The following TSPAN4 variants were observed in gnomAD, a reference collection of about 807,000 sequenced individuals.
TSPAN4 encodes tetraspanin-4.
In TSPAN4, 38 loss-of-function variants were observed where a neutral mutation model predicts 31.5. That is an observed-to-expected ratio of 1.21 (90% confidence interval 0.93 to 1.58). TSPAN4 has a LOEUF of 1.58. Among genes scored for constraint, TSPAN4 ranks in the 40% most tolerant of loss-of-function variants. The pLI is 0.00. For missense variants in TSPAN4, 330 were observed against 317.3 expected (o/e 1.04, Z -0.30); for synonymous variants, 186 against 144.6 (o/e 1.29, Z -2.06).
intron 2 of TSPAN4, among the ~76,000 whole-genome samples, chr11:849,212 C>T (rs1847484958): frequency 6.6e-6 from 1 of 151,778 alleles, no homozygotes. Context: ...GCGGGGCTGC[C>T]TGGTGGAGGG....
At chr11:845,946 G>T (rs1847298398) in intron 1 of TSPAN4, among the ~76,000 whole-genome samples, 2 of 152,172 alleles carry the variant, frequency 1.3e-5, no homozygotes, top group African/African-American at 2.4e-5. Context: ...GTGCATGAGG[G>T]AGTGCCAGCT....
intron 1 of TSPAN4, chr11:843,974 G>A (rs993831182): frequency 6.6e-6 from 1 of 152,274 alleles, no homozygotes. Flanking sequence ...CCCTGGCCAG[G>A]GCCCTGGGCA....
At chr11:853,374 C>A (rs905191680) in intron 3 of TSPAN4, among the ~76,000 whole-genome samples, 2 of 152,180 alleles carry the variant, frequency 1.3e-5, no homozygotes, top group Non-Finnish European at 1.5e-5. Context: ...CCTGAGCCCC[C>A]CTCCACACCC....
intron 3 of TSPAN4, among the ~76,000 whole-genome samples, chr11:852,746 C>G (rs1847824472): frequency 6.6e-6 from 1 of 152,242 alleles, no homozygotes; most frequent in African/African-American, 2.4e-5. Context: ...CTTTTGCCGC[C>G]CACTCCATTT....
At chr11:864,620 AC>A in intron 5 of TSPAN4, 109 bp downstream of exon 5, 1 of 1,410,630 alleles carries the variant, frequency 7.1e-7, no homozygotes, top group Non-Finnish European at 9.9e-7. Flanking sequence ...ATGTGCCCTC[AC>A]GGGCAGCCAG....
rs568253211 is a variant in TSPAN4, at chr11:866,103, C to T, written c.648+102C>T. On this transcript the variant is annotated intron_variant, in intron 8 of 8. Coordinates refer to ENST00000397397, the MANE Select transcript of TSPAN4 (RefSeq NM_003271.5). ...GACCTTGCCCCCAGGAACCCACGAT[C>T]GGGGGAGGCCGGGGCAAAAGCAGGA... 3,176 of 1,249,626 alleles carry T rather than the reference C, an allele frequency of 2.5e-3. 4 individuals carry two copies. Among genetic ancestry groups the T allele is most frequent in the Non-Finnish European group, 3.3e-3 (2,953 of 889,186 alleles). 77.4% of individuals were successfully genotyped at this position (1,249,626 alleles called of 1,614,324 possible).
At chr11:844,979 G>A (rs1170673860) in intron 1 of TSPAN4, among the ~76,000 whole-genome samples, 1 of 152,172 alleles carries the variant, frequency 6.6e-6, no homozygotes, top group Non-Finnish European at 1.5e-5. Context: ...CACGGGCTGA[G>A]CCCTGGCTGG....
Position 866,639 on chromosome 11 carries a change from C to G in TSPAN4, c.*9C>G, listed in dbSNP as rs1193673619. 2.5e-6 allele frequency: 4 copies of G among 1,609,676 alleles called. No homozygotes were observed. The highest frequency in any genetic ancestry group is 3.4e-6 in the Non-Finnish European group (4 of 1,178,442). The stretch of plus-strand genomic sequence containing the variant: ...ACACCTACTGCGCGTAGGCCGCCCA[C>G]CGCCCGCTTCTCTGCCAAAAGGACG... On this transcript the variant is annotated 3_prime_UTR_variant, in exon 9 of 9. Coordinates refer to ENST00000397397, the MANE Select transcript of TSPAN4 (RefSeq NM_003271.5).
At chr11:846,538 A>C (rs931518347) in intron 1 of TSPAN4, among the ~76,000 whole-genome samples, 1 of 152,164 alleles carries the variant, frequency 6.6e-6, no homozygotes, top group African/African-American at 2.4e-5. Flanking sequence ...GGCAGGGAGT[A>C]GTGGGCACTG....
chr11:862,470 T>C lies in TSPAN4; in HGVS notation c.64-80T>C, dbSNP rs553755453. ...GGCAGGCGGCATGGCTTTGGGCTTG[T>C]GGGCCGGGCTCTGCCCTGGGGTCCA... On this transcript the variant is annotated intron_variant, in intron 3 of 8. Transcript: ENST00000397397. 2.2e-5 allele frequency: 30 copies of C among 1,342,690 alleles called. No individual in the cohort carries two copies. In the Admixed American group the frequency reaches 4.7e-4, roughly 21 times the overall value. The allele number at this position is 1,342,690 out of a possible 1,614,324, so 83.2% of individuals were successfully genotyped here.
rs754689495 is a variant in TSPAN4, at chr11:866,017, C to T, written c.648+16C>T. ...GCTGGTGCAGGTATGGCCTGGGGGCCTGCGGGCTCCCTGCCCCCACTTTGT... is the reference window on the plus strand; with the variant it reads ...GCTGGTGCAGGTATGGCCTGGGGGCTTGCGGGCTCCCTGCCCCCACTTTGT... On this transcript the variant is annotated intron_variant, in intron 8 of 8. Transcript: ENST00000397397. 1.2e-6 allele frequency: 2 copies of T among 1,610,552 alleles called. No homozygotes were observed. Among genetic ancestry groups the T allele is most frequent in the South Asian group, 1.1e-5 (1 of 90,900 alleles).
At chr11:845,103 G>A (rs1847236908) in intron 1 of TSPAN4, among the ~76,000 whole-genome samples, 1 of 152,194 alleles carries the variant, frequency 6.6e-6, no homozygotes, top group South Asian at 2.1e-4. Flanking sequence ...TCCTGCCGCT[G>A]AGGCTGGGCA....
intron 3 of TSPAN4, among the ~76,000 whole-genome samples, chr11:856,065 G>T (rs1189145432): frequency 1.3e-5 from 2 of 152,180 alleles, no homozygotes; most frequent in African/African-American, 2.4e-5. Flanking sequence ...GGGCCGTCCC[G>T]CAGCACCTGC....
rs187436452 is a variant in TSPAN4 at position 852,384 on chromosome 11, A to T, written c.63+2017A>T. On this transcript the variant is annotated intron_variant, in intron 3 of 8. Transcript: ENST00000397397. Reference sequence around the variant, plus strand: ...TGATCCGCCTGCCTCGACCTCCCAAAGTGCTGGGATTACAGGCGGCCCCAA... The same window carrying T: ...TGATCCGCCTGCCTCGACCTCCCAATGTGCTGGGATTACAGGCGGCCCCAA... Among the ~76,000 whole-genome samples, 315 of 152,246 alleles carry T rather than the reference A, an allele frequency of 2.1e-3. 1 individual carries two copies. Among genetic ancestry groups the T allele is most frequent in the African/African-American group, 7.3e-3 (303 of 41,552 alleles).
chr11:866,459 G>T, intron 8 of TSPAN4, 103 bp from the exon 9 acceptor site: 1 of 1,076,996 alleles, frequency 9.3e-7, no homozygotes, highest in South Asian at 1.6e-5. Context: ...CCACCCTGGG[G>T]TCGGGGTCAG....
At chr11:864,335 G>C in intron 4 of TSPAN4, 102 bp from the exon 5 acceptor site, 1 of 1,432,162 alleles carries the variant, frequency 7.0e-7, no homozygotes, top group East Asian at 2.3e-5. Context: ...TTTCCTGGCA[G>C]CACCAGGTAT....
intron 1 of TSPAN4, among the ~76,000 whole-genome samples, chr11:846,119 G>C (rs1273672574): frequency 6.6e-6 from 1 of 152,218 alleles, no homozygotes; most frequent in Non-Finnish European, 1.5e-5. Flanking sequence ...GGGTGTGTGG[G>C]CTTGGCTCTG....
chr11:849,461 G>A (rs1247821282), intron 2 of TSPAN4, among the ~76,000 whole-genome samples: 1 of 152,116 alleles, frequency 6.6e-6, no homozygotes, highest in African/African-American at 2.4e-5. Context: ...CGTGGTTGGA[G>A]GTCTCCAAGC....
intron 1 of TSPAN4, among the ~76,000 whole-genome samples, chr11:843,902 G>A (rs988569286): frequency 6.6e-6 from 1 of 152,276 alleles, no homozygotes; most frequent in East Asian, 1.9e-4. Flanking sequence ...GAGGACGAAG[G>A]GTTTTCTGGG....
Sources: allele counts gnomAD v4.1 joint callset (sites outside exome capture counted in the v4.1 genomes callset), GRCh38; gene constraint gnomAD v4.1.1; transcripts MANE v1.5; gene names NCBI Gene and HGNC (gene_info 2026-07-23, HGNC 2026-07-21).